CTNNA2: variants seen among roughly 807,000 people sequenced by gnomAD.
CTNNA2 encodes catenin alpha-2.
A neutral mutation model predicts 101.0 loss-of-function variants in CTNNA2; 42 were observed. The observed-to-expected ratio is 0.42, with a 90% CI of 0.32 to 0.54. CTNNA2 has a LOEUF of 0.54. CTNNA2 is among the 20% of genes least tolerant of loss of function. The probability of loss-of-function intolerance (pLI) is 0.14; values close to 1 mark genes in which losing one functional copy is unlikely to be tolerated. For missense variants in CTNNA2, 871 were observed against 1,223.1 expected (o/e 0.71, Z 4.29); for synonymous variants, 450 against 456.4 (o/e 0.99, Z 0.18).
intron 9 of CTNNA2, among the ~76,000 whole-genome samples, chr2:80,540,551 C>G (rs1691465402): frequency 6.7e-6 from 1 of 149,172 alleles, no homozygotes; most frequent in African/African-American, 2.5e-5. Flanking sequence ...GAGCTGAGAT[C>G]TTGCTGCTGC....
intron 7 of CTNNA2, among the ~76,000 whole-genome samples, chr2:80,260,642 C>A (rs2149122192): frequency 6.6e-6 from 1 of 152,244 alleles, no homozygotes; most frequent in South Asian, 2.1e-4. Context: ...TGCAGAGACA[C>A]CAAGATGCAT....
At chr2:79,580,428 C>T (rs765936658) in intron 1 of CTNNA2, among the ~76,000 whole-genome samples, 1 of 152,094 alleles carries the variant, frequency 6.6e-6, no homozygotes, top group Admixed American at 6.5e-5. Flanking sequence ...GCAAATAGTC[C>T]TACAACTTCA....
At chr2:80,438,310 C>T (rs1314797809) in intron 9 of CTNNA2, among the ~76,000 whole-genome samples, 2 of 152,088 alleles carry the variant, frequency 1.3e-5, no homozygotes, top group Non-Finnish European at 2.9e-5. Flanking sequence ...TGTTTAAAGA[C>T]CCTATCTCCT....
intron 1 of CTNNA2, among the ~76,000 whole-genome samples, chr2:79,566,624 A>G (rs1422347391): frequency 6.6e-6 from 1 of 152,158 alleles, no homozygotes; most frequent in Non-Finnish European, 1.5e-5. Flanking sequence ...GGAGGCAGTC[A>G]TATGAGATAA....
In CTNNA2 at chr2:80,056,046, G is replaced by A. The variant is rs1423259737; in HGVS notation, c.1056+146249G>A. Among the ~76,000 whole-genome samples the A allele has an allele frequency of 2.0e-5, 3 of 152,166 alleles. No individual in the cohort carries two copies. In the South Asian group the frequency reaches 6.2e-4, roughly 32 times the overall value. Reference sequence around the variant, plus strand: ...ACAACTGGGCAATGCATGTTCAACTGTCATAGAAGTCTGGATGCATGGGTC... The same window carrying A: ...ACAACTGGGCAATGCATGTTCAACTATCATAGAAGTCTGGATGCATGGGTC... On this transcript the variant is annotated intron_variant, in intron 7 of 18. Coordinates refer to ENST00000402739, the MANE Select transcript of CTNNA2 (RefSeq NM_001282597.3).
chr2:79,982,192 C>CTATATATATATATA (rs70940064), intron 7 of CTNNA2, among the ~76,000 whole-genome samples: 70 of 74,996 alleles, frequency 9.3e-4, no homozygotes, highest in Non-Finnish European at 1.2e-3. Flanking sequence ...GCATGTGCCA[C>CTATATATATATATA]TATATATATA....
At chr2:79,855,890 T>C (rs1681094196) in intron 3 of CTNNA2, among the ~76,000 whole-genome samples, 1 of 152,240 alleles carries the variant, frequency 6.6e-6, no homozygotes. Flanking sequence ...TATAATGTTC[T>C]TTCTACTTGC....
At chr2:80,505,520 T>C (rs1433047065) in intron 9 of CTNNA2, among the ~76,000 whole-genome samples, 3 of 152,206 alleles carry the variant, frequency 2.0e-5, no homozygotes, top group Non-Finnish European at 4.4e-5. Flanking sequence ...ATTGTCCACT[T>C]TTCTCAAAAC....
At chr2:79,603,324 C>G (rs1261781678) in intron 1 of CTNNA2, among the ~76,000 whole-genome samples, 7 of 151,992 alleles carry the variant, frequency 4.6e-5, no homozygotes, top group Non-Finnish European at 8.8e-5. Context: ...TCCTTAAGAT[C>G]CTGAATTAGG....
At chr2:80,216,202 G>T (rs111695971) in intron 7 of CTNNA2, among the ~76,000 whole-genome samples, 6,835 of 152,200 alleles carry the variant, frequency 0.045, 242 homozygotes, top group Admixed American at 0.089. Context: ...CCGACCCCTT[G>T]TGCTTCCAAG....
chr2:80,022,581 TAGTG>T (rs1162574135), intron 7 of CTNNA2, among the ~76,000 whole-genome samples: 1 of 151,888 alleles, frequency 6.6e-6, no homozygotes, highest in Non-Finnish European at 1.5e-5. Flanking sequence ...TTGGGCAACA[TAGTG>T]AGACCTTATC....
chr2:79,394,258 C>T (rs951724380), intron 4 of CTNNA2, among the ~76,000 whole-genome samples: 1 of 152,150 alleles, frequency 6.6e-6, no homozygotes, highest in Non-Finnish European at 1.5e-5. Flanking sequence ...TGTGCTCATT[C>T]ACTGTGACCT....
chr2:80,216,249 C>A (rs775614141), intron 7 of CTNNA2, among the ~76,000 whole-genome samples: 7 of 152,100 alleles, frequency 4.6e-5, no homozygotes, highest in Non-Finnish European at 1.5e-5. Flanking sequence ...GCTCACACTG[C>A]GTGGGCTACA....
At chr2:80,391,167 A>G (rs1391572509) in intron 7 of CTNNA2, among the ~76,000 whole-genome samples, 18 of 151,870 alleles carry the variant, frequency 1.2e-4, no homozygotes, top group Admixed American at 1.2e-3. Context: ...TTACATTAAA[A>G]TATTATTTAT....
intron 5 of CTNNA2, among the ~76,000 whole-genome samples, chr2:79,873,783 T>C (rs1682777348): frequency 6.6e-6 from 1 of 151,952 alleles, no homozygotes; most frequent in Admixed American, 6.6e-5. Flanking sequence ...GCACCTGTAG[T>C]TCTAGCCACT....
Position 80,020,022 on chromosome 2 carries a change from G to A in CTNNA2, c.1056+110225G>A, listed in dbSNP as rs534545911. On this transcript the variant is annotated intron_variant, in intron 7 of 18. Transcript: ENST00000402739. ...GGGTCACGCACTGTTACAAAAGGAAGTTAAAAAAAGATAGAGGCACTGCTC... is the reference window on the plus strand; with the variant it reads ...GGGTCACGCACTGTTACAAAAGGAAATTAAAAAAAGATAGAGGCACTGCTC... Among the ~76,000 whole-genome samples, 10 of 152,160 alleles carry A rather than the reference G, an allele frequency of 6.6e-5. No homozygotes were observed. The South Asian group carries it at 2.1e-3, about 32-fold the overall frequency.
chr2:79,861,839 TCATTTA>T (rs1351846046), intron 4 of CTNNA2, among the ~76,000 whole-genome samples: 12 of 152,210 alleles, frequency 7.9e-5, no homozygotes, highest in Non-Finnish European at 1.5e-4. Context: ...GCTAAAGTAA[TCATTTA>T]CATTTCAGAC....
At chr2:79,516,345 T>C (rs1045124019) in intron 1 of CTNNA2, among the ~76,000 whole-genome samples, 6 of 152,124 alleles carry the variant, frequency 3.9e-5, no homozygotes, top group African/African-American at 1.4e-4. Context: ...AAGTAAGTAC[T>C]AGAGGAATTG....
intron 3 of CTNNA2, among the ~76,000 whole-genome samples, chr2:79,373,305 CAAAT>C (rs1677913774): frequency 6.6e-6 from 1 of 152,078 alleles, no homozygotes. Context: ...AATGTGCAGA[CAAAT>C]AAACACGTAA....
Sources: allele counts gnomAD v4.1 joint callset (sites outside exome capture counted in the v4.1 genomes callset), GRCh38; gene constraint gnomAD v4.1.1; transcripts MANE v1.5; gene names NCBI Gene and HGNC (gene_info 2026-07-23, HGNC 2026-07-21).